The following ZFHX3 variants were observed in gnomAD, a reference collection of about 807,000 sequenced individuals.
ZFHX3 encodes zinc finger homeobox protein 3.
A neutral mutation model predicts 279.1 loss-of-function variants in ZFHX3; 42 were observed. The ratio of observed to expected loss-of-function variants is 0.15; its 90% CI spans 0.12 to 0.19. ZFHX3 has a LOEUF of 0.19. Among genes scored for constraint, ZFHX3 ranks in the 10% least tolerant of loss-of-function variants. The probability of loss-of-function intolerance (pLI) is 1.00; values close to 1 mark genes in which losing one functional copy is unlikely to be tolerated. For missense variants in ZFHX3, 4,981 were observed against 4,754.0 expected (o/e 1.05, Z -1.40); for synonymous variants, 2,293 against 1,957.8 (o/e 1.17, Z -4.52).
intron 2 of ZFHX3, among the ~76,000 whole-genome samples, chr16:72,956,006 T>C (rs771946598): frequency 2.6e-5 from 4 of 152,244 alleles, no homozygotes; most frequent in Non-Finnish European, 5.9e-5. Context: ...CCAGTGCTTG[T>C]GCATCCACAA....
chr16:73,070,471 C>T (rs779777613), intron 8 of ZFHX3, among the ~76,000 whole-genome samples: 16 of 152,174 alleles, frequency 1.1e-4, no homozygotes, highest in South Asian at 4.2e-4. Context: ...ATTATAAAAG[C>T]GAATAGCTTT....
Position 73,669,625 on chromosome 16 carries a change from A to C in ZFHX3, c.-1547+10555T>G, listed in dbSNP as rs1253844679. On this transcript the variant is annotated intron_variant, in intron 2 of 17. Coordinates refer to the ZFHX3 transcript ENST00000641206. ...AATTAAAAGTCATGCAAAAATCTGA[A>C]CATGAAGACCTGGAGGCCATGAAAG... Among the ~76,000 whole-genome samples the C allele has an allele frequency of 3.9e-5, 6 of 152,356 alleles. No homozygotes were observed. In the East Asian group the frequency reaches 7.7e-4, roughly 20 times the overall value.
At chr16:73,404,280 G>A (rs567234879) in intron 3 of ZFHX3, among the ~76,000 whole-genome samples, 2 of 152,244 alleles carry the variant, frequency 1.3e-5, no homozygotes, top group East Asian at 1.9e-4. Flanking sequence ...GAAGAGGGCT[G>A]GACTTCAACC....
intron 3 of ZFHX3, among the ~76,000 whole-genome samples, chr16:73,369,419 C>T (rs190010399): frequency 1.7e-4 from 26 of 152,314 alleles, no homozygotes; most frequent in Non-Finnish European, 7.4e-5. Context: ...ATGCACAAAT[C>T]GAATGCCCGT....
intron 1 of ZFHX3, among the ~76,000 whole-genome samples, chr16:73,705,864 C>T (rs2053297907): frequency 6.6e-6 from 1 of 152,198 alleles, no homozygotes; most frequent in African/African-American, 2.4e-5. Context: ...CATTCAGCCT[C>T]AGATAGGTTC....
At chr16:73,192,799 C>A (rs1303818951) in intron 5 of ZFHX3, among the ~76,000 whole-genome samples, 1 of 152,194 alleles carries the variant, frequency 6.6e-6, no homozygotes, top group African/African-American at 2.4e-5. Flanking sequence ...CATTGCTCAT[C>A]GCACAAATGG....
intron 7 of ZFHX3, among the ~76,000 whole-genome samples, chr16:73,106,170 C>T (rs1011091558): frequency 3.3e-5 from 5 of 152,064 alleles, no homozygotes; most frequent in Non-Finnish European, 7.3e-5. Context: ...GCCCATTTTG[C>T]TCAATTAGAG....
intron 1 of ZFHX3, among the ~76,000 whole-genome samples, chr16:73,714,861 A>G (rs1042513321): frequency 2.6e-5 from 4 of 152,080 alleles, no homozygotes; most frequent in African/African-American, 7.2e-5. Flanking sequence ...CTCCTCTCAC[A>G]TGGTAATCTA....
At chr16:73,464,382 A>C (rs894927137) in intron 2 of ZFHX3, among the ~76,000 whole-genome samples, 3 of 152,034 alleles carry the variant, frequency 2.0e-5, no homozygotes, top group Non-Finnish European at 4.4e-5. Flanking sequence ...TTTCAGCTTA[A>C]AAGGAGACTT....
intron 3 of ZFHX3, among the ~76,000 whole-genome samples, chr16:72,945,894 A>C (rs539940478): frequency 6.6e-6 from 1 of 152,152 alleles, no homozygotes; most frequent in East Asian, 1.9e-4. Flanking sequence ...ATGTGTAGCT[A>C]TCTTCCTAAG....
Position 72,793,302 on chromosome 16 carries a change from G to C in ZFHX3, c.9380C>G (p.Pro3127Arg), listed in dbSNP as rs138835662. The C allele has an allele frequency of 3.7e-6, 6 of 1,613,972 alleles. No homozygotes were observed. The African/African-American group carries it at 8.0e-5, about 22-fold the overall frequency. ...ALQGIPPVLL[P>R]GLNSPSLPGF... Reference sequence around the variant, plus strand: ...TGGCAAGGAGGGGCTGTTGAGGCCCGGGAGCAACACAGGAGGAATGCCCTG... The same window carrying C: ...TGGCAAGGAGGGGCTGTTGAGGCCCCGGAGCAACACAGGAGGAATGCCCTG... The change falls in exon 9 of 10, where the codon CCG (proline) becomes CGG (arginine). Residue 3127 changes from proline (P) to arginine (R), a missense_variant. Pro to Arg is a moderately radical substitution (Grantham distance 103, BLOSUM62 -2). Coordinates refer to ENST00000268489, the MANE Select transcript of ZFHX3 (RefSeq NM_006885.4). This position sits in a 1 kb window ranked among gnomAD's most constrained non-coding sequence, Gnocchi z 4.3.
intron 1 of ZFHX3, among the ~76,000 whole-genome samples, chr16:73,855,502 A>AGAG (rs35145538): frequency 0.084 from 12,700 of 150,958 alleles, 1,626 homozygotes; most frequent in African/African-American, 0.28. Context: ...GGTTTTTTCC[A>AGAG]GAGGAGGAGG....
At chr16:73,429,250 AG>A (rs970201812) in intron 3 of ZFHX3, among the ~76,000 whole-genome samples, 1 of 152,212 alleles carries the variant, frequency 6.6e-6, no homozygotes, top group African/African-American at 2.4e-5. Context: ...TGAAGCCGAT[AG>A]AGTCCAGCCT....
At chr16:73,854,901 G>C (rs1234277243) in intron 1 of ZFHX3, among the ~76,000 whole-genome samples, 2 of 151,416 alleles carry the variant, frequency 1.3e-5, no homozygotes, top group South Asian at 2.1e-4. Flanking sequence ...ACAATTAAAG[G>C]GAGTGTACCT....
chr16:73,022,909 T>A (rs997907624), intron 1 of ZFHX3, among the ~76,000 whole-genome samples: 2 of 152,140 alleles, frequency 1.3e-5, no homozygotes, highest in Admixed American at 6.5e-5. Flanking sequence ...ATACTGATTT[T>A]TCTGTGAAAT....
chr16:73,556,349 T>C (rs1484359588), intron 2 of ZFHX3, among the ~76,000 whole-genome samples: 1 of 152,188 alleles, frequency 6.6e-6, no homozygotes, highest in Non-Finnish European at 1.5e-5. Flanking sequence ...CAGGGGCTAA[T>C]GTAAAATCGT....
At chr16:73,355,126 A>G (rs891439076) in intron 3 of ZFHX3, among the ~76,000 whole-genome samples, 1 of 152,208 alleles carries the variant, frequency 6.6e-6, no homozygotes, top group Non-Finnish European at 1.5e-5. Flanking sequence ...ATTAGGAGCC[A>G]GCTTCCATTC....
chr16:73,392,344 T>C lies in ZFHX3; in HGVS notation c.-1291+63659A>G, dbSNP rs551266757. ...GCTGAGGCACGGGACCCTTGAACCC[T>C]GGAGGTGGAGGCTGCAGTAAGCTGA... On this transcript the variant is annotated intron_variant, in intron 3 of 17. Coordinates refer to the ZFHX3 transcript ENST00000641206. Among the ~76,000 whole-genome samples, 8 of 129,312 alleles carry C rather than the reference T, an allele frequency of 6.2e-5. No homozygotes were observed. In the East Asian group the frequency reaches 2.0e-3, roughly 32 times the overall value. The allele number at this position is 129,312 out of a possible 152,430, so 84.8% of individuals were successfully genotyped here.
chr16:73,348,357 C>T (rs1261816675), intron 3 of ZFHX3, among the ~76,000 whole-genome samples: 2 of 152,326 alleles, frequency 1.3e-5, no homozygotes, highest in East Asian at 3.9e-4. Context: ...TTGTTAATCA[C>T]CTCTCTGGCA....
Sources: allele counts gnomAD v4.1 joint callset (sites outside exome capture counted in the v4.1 genomes callset), GRCh38; gene constraint gnomAD v4.1.1; non-coding constraint Gnocchi (gnomAD v3.1); transcripts MANE v1.5; gene names NCBI Gene and HGNC (gene_info 2026-07-23, HGNC 2026-07-21).